Variants in BACH2 observed in about 807,000 individuals in gnomAD.
BACH2 encodes transcription regulator protein BACH2.
Under a neutral mutation model 61.8 loss-of-function variants are expected in BACH2, and 5 were observed. That is an observed-to-expected ratio of 0.08 (90% CI 0.04 to 0.17). The LOEUF (loss-of-function observed/expected upper bound fraction) is 0.17. BACH2 is among the 10% of genes least tolerant of loss of function. The probability of loss-of-function intolerance (pLI) is 1.00; values close to 1 mark genes in which losing one functional copy is unlikely to be tolerated. For synonymous variants in BACH2, 446 were observed against 440.1 expected, an observed-to-expected ratio of 1.01 and a Z score of -0.17; for missense variants, 824 against 1,091.1, an observed-to-expected ratio of 0.76 and a Z score of 3.45.
chr6:90,107,368 C>G (rs999319361), intron 4 of BACH2, among the ~76,000 whole-genome samples: 1 of 150,978 alleles, frequency 6.6e-6, no homozygotes, highest in African/African-American at 2.4e-5. Flanking sequence ...AAGACTCTGT[C>G]TCAAAAAAAA....
At chr6:90,289,126 G>T (rs1406773028) in intron 1 of BACH2, among the ~76,000 whole-genome samples, 2 of 152,168 alleles carry the variant, frequency 1.3e-5, no homozygotes, top group Non-Finnish European at 2.9e-5. Flanking sequence ...TTAACTTTAA[G>T]ATAGATGTCA....
rs190568531 is a variant in BACH2 at position 90,257,958 on chromosome 6, T to C, written c.-352-5368A>G. ...ACCCAGCTAATTTTTGTATTTTTAG[T>C]AGAGATGGGGTTTCACCATGTTGGC... is the stretch of plus-strand genomic sequence containing the variant. On this transcript the variant is annotated intron_variant, in intron 2 of 8. Coordinates refer to ENST00000257749, the MANE Select transcript of BACH2 (RefSeq NM_021813.4). Among the ~76,000 whole-genome samples the C allele has an allele frequency of 3.0e-3, 457 of 152,244 alleles. 2 individuals carry two copies. Among genetic ancestry groups the C allele is most frequent in the Non-Finnish European group, 4.6e-3 (316 of 68,002 alleles).
At position 90,159,813 on chromosome 6, in the gene BACH2, T is replaced by C. The variant is rs536785821; in HGVS notation, c.-162+46756A>G. Reference sequence around the variant, plus strand: ...AGGCGGATACAGGCCAAAGGAGGAATAGTGCTTATTTTGTTCCTTTTGAAT... The same window carrying C: ...AGGCGGATACAGGCCAAAGGAGGAACAGTGCTTATTTTGTTCCTTTTGAAT... On this transcript the variant is annotated intron_variant, in intron 4 of 8. Transcript: ENST00000257749. Among the ~76,000 whole-genome samples the C allele has an allele frequency of 7.2e-5, 11 of 152,246 alleles. No individual in the cohort carries two copies. The East Asian group carries it at 2.1e-3, about 29-fold the overall frequency.
intron 5 of BACH2, among the ~76,000 whole-genome samples, chr6:90,024,839 T>C (rs1457795309): frequency 2.0e-5 from 3 of 152,222 alleles, no homozygotes; most frequent in Non-Finnish European, 2.9e-5. Context: ...TTTCACACAT[T>C]AATGGAACAC....
intron 4 of BACH2, among the ~76,000 whole-genome samples, chr6:90,101,549 G>C (rs1562444657): frequency 6.6e-6 from 1 of 152,152 alleles, no homozygotes; most frequent in South Asian, 2.1e-4. Flanking sequence ...GAGCATACGT[G>C]TACTGTATTC....
chr6:90,290,248 C>G (rs895056107), intron 1 of BACH2, among the ~76,000 whole-genome samples: 3 of 152,194 alleles, frequency 2.0e-5, no homozygotes, highest in African/African-American at 7.2e-5. Context: ...CCCCAACCTC[C>G]CGACCAGGTT....
chr6:90,240,025 A>G lies in BACH2; in HGVS notation c.-275+12488T>C, dbSNP rs114793864. Among the ~76,000 whole-genome samples, 1,060 of 152,222 alleles carry G rather than the reference A, an allele frequency of 7.0e-3. 11 individuals are homozygous for G. Among genetic ancestry groups the G allele is most frequent in the African/African-American group, 0.024 (983 of 41,520 alleles). On this transcript the variant is annotated intron_variant, in intron 3 of 8. Transcript: ENST00000257749. ...ATCTTATAGAAAAAGAAATCTGAGA[A>G]CTACTTCTATATTGTTACAGAAAAT...
chr6:90,149,284 T>A (rs1026623351), intron 4 of BACH2, among the ~76,000 whole-genome samples: 15 of 152,246 alleles, frequency 9.9e-5, no homozygotes, highest in African/African-American at 3.6e-4. Context: ...TGTTTACTCA[T>A]GTAATGCTCA....
At chr6:90,203,890 T>C (rs997307121) in intron 4 of BACH2, among the ~76,000 whole-genome samples, 30 of 152,136 alleles carry the variant, frequency 2.0e-4, no homozygotes, top group African/African-American at 7.2e-4. Context: ...CTGGCACAGA[T>C]AGGAGTTCAA....
At chr6:90,097,193 C>T (rs1161721755) in intron 4 of BACH2, among the ~76,000 whole-genome samples, 1 of 152,222 alleles carries the variant, frequency 6.6e-6, no homozygotes, top group African/African-American at 2.4e-5. Flanking sequence ...AAGTCAGAAG[C>T]AGCAAAAGCT....
intron 6 of BACH2, among the ~76,000 whole-genome samples, chr6:89,957,010 T>G (rs1774461105): frequency 6.6e-6 from 1 of 152,220 alleles, no homozygotes; most frequent in Non-Finnish European, 1.5e-5. Context: ...CCATGTACAC[T>G]TTCCTGATGA....
intron 5 of BACH2, among the ~76,000 whole-genome samples, chr6:90,057,142 T>C (rs373543211): frequency 6.6e-5 from 10 of 150,968 alleles, no homozygotes; most frequent in African/African-American, 9.7e-5. Context: ...CTGAAGGAAA[T>C]AGAGACACAA....
chr6:90,092,291 A>AATATATATATAT (rs1167228249), intron 4 of BACH2, among the ~76,000 whole-genome samples: 1 of 113,838 alleles, frequency 8.8e-6, no homozygotes, highest in African/African-American at 3.6e-5. Context: ...AAAAAAAAAA[A>AATATATATATAT]ATATATATAT....
chr6:89,963,915 A>G (rs1774895403), intron 6 of BACH2, among the ~76,000 whole-genome samples: 1 of 152,226 alleles, frequency 6.6e-6, no homozygotes, highest in Non-Finnish European at 1.5e-5. Flanking sequence ...ACATGGATGA[A>G]CCTTGAGGAC....
chr6:90,159,862 GT>G (rs1346896899), intron 4 of BACH2, among the ~76,000 whole-genome samples: 1 of 152,154 alleles, frequency 6.6e-6, no homozygotes, highest in Non-Finnish European at 1.5e-5. Flanking sequence ...GTATATATTT[GT>G]GACTTTTACC....
At chr6:90,052,366 G>C (rs77846756) in intron 5 of BACH2, among the ~76,000 whole-genome samples, 1 of 151,064 alleles carries the variant, frequency 6.6e-6, no homozygotes, top group Non-Finnish European at 1.5e-5. Flanking sequence ...CTTATCAATA[G>C]GTAGTGCTCT....
chr6:89,976,955 C>T (rs1307861222), intron 6 of BACH2, among the ~76,000 whole-genome samples: 1 of 152,226 alleles, frequency 6.6e-6, no homozygotes, highest in Non-Finnish European at 1.5e-5. Context: ...TTTACAAATT[C>T]ACTTTTCTTT....
chr6:90,275,582 GATT>G (rs913597311), intron 1 of BACH2, among the ~76,000 whole-genome samples: 1 of 151,484 alleles, frequency 6.6e-6, no homozygotes, highest in African/African-American at 2.4e-5. Context: ...TTGTCGTACA[GATT>G]ATTTTGTCAT....
rs142254303 is a variant in BACH2, at chr6:89,932,476, C to T, written c.2458G>A (p.Val820Met). 98 of 1,614,108 alleles carry T rather than the reference C, an allele frequency of 6.1e-5. 1 individual carries two copies. In the East Asian group the frequency reaches 1.7e-3, roughly 28 times the overall value. The stretch of plus-strand genomic sequence containing the variant: ...TCAGTCATTTCCTGGCAGAAGTCCA[C>T]GGTCACTGTTTGGCTCCTGGGTTCA... Reference protein sequence around the residue: ...PLEPRSQTVTVDFCQEMTDKC... With the variant: ...PLEPRSQTVTMDFCQEMTDKC... Residue 820 changes from valine (V) to methionine (M), a missense_variant, in exon 9 of 9, where the codon GTG (valine) becomes ATG (methionine). Physicochemically the swap from Val to Met is conservative, Grantham distance 21. This residue lies in a region of BACH2 where 135 missense variants were observed against 142.7 expected (regional missense o/e 0.95). Transcript: ENST00000257749.
Sources: allele counts gnomAD v4.1 joint callset (sites outside exome capture counted in the v4.1 genomes callset), GRCh38; gene constraint gnomAD v4.1.1; regional missense constraint gnomAD v4.1.1; transcripts MANE v1.5; gene names NCBI Gene and HGNC (gene_info 2026-07-23, HGNC 2026-07-21).